The following FRMD5 variants were observed in gnomAD, a reference collection of about 807,000 sequenced individuals.
FRMD5 encodes FERM domain-containing protein 5.
Under a neutral mutation model 69.0 loss-of-function variants are expected in FRMD5, and 20 were observed. The observed-to-expected ratio is 0.29, with a 90% CI of 0.20 to 0.42. FRMD5 has a LOEUF of 0.42. Ranked by LOEUF, FRMD5 falls within the 10% of genes least tolerant of loss-of-function variation. FRMD5 has a pLI of 1.00. For missense variants in FRMD5, 595 were observed against 708.6 expected, an observed-to-expected ratio of 0.84 and a Z score of 1.82; for synonymous variants, 271 against 260.1, an observed-to-expected ratio of 1.04 and a Z score of -0.40.
intron 1 of FRMD5, among the ~76,000 whole-genome samples, chr15:44,007,382 C>T (rs1199042911): frequency 6.6e-6 from 1 of 151,952 alleles, no homozygotes; most frequent in Non-Finnish European, 1.5e-5. Flanking sequence ...CCAAGGTATG[C>T]CTACATATAT....
rs1555392746 is a variant in FRMD5 at position 43,999,967 on chromosome 15, T to TATATATGCCATGC, written c.103-75659_103-75658insGCATGGCATATAT. ...TATATGCCATGCATATATATATATA[T>TATATATGCCATGC]ATATATATATATATATATATATGTG... is the stretch of plus-strand genomic sequence containing the variant. On this transcript the variant is annotated intron_variant, in intron 1 of 13. Transcript: ENST00000417257. Among the ~76,000 whole-genome samples, 168 of 42,018 alleles carry TATATATGCCATGC rather than the reference T, an allele frequency of 4.0e-3. 29 individuals are homozygous for TATATATGCCATGC. The highest frequency in any genetic ancestry group is 6.8e-3 in the Non-Finnish European group (125 of 18,502). The allele number at this position is 42,018 out of a possible 152,430, so 27.6% of individuals were successfully genotyped here. A position where few individuals can be genotyped will look rare whatever the true frequency, so the allele number is the denominator to read the frequency against.
At chr15:43,876,871 G>C (rs1439107340) in intron 13 of FRMD5, among the ~76,000 whole-genome samples, 1 of 152,166 alleles carries the variant, frequency 6.6e-6, no homozygotes, top group African/African-American at 2.4e-5. Flanking sequence ...AGAAGATCTT[G>C]TTGCGGGGGT....
chr15:43,884,628 T>A (rs1160244446), intron 12 of FRMD5, 99 bp downstream of exon 12: 6 of 1,022,882 alleles, frequency 5.9e-6, no homozygotes, highest in Non-Finnish European at 8.8e-6. Flanking sequence ...GACTTTTTGG[T>A]AGCCACTGGA....
chr15:43,905,684 A>C (rs1362800612), intron 6 of FRMD5, 144 bp downstream of exon 6: 1 of 999,172 alleles, frequency 1.0e-6, no homozygotes, highest in Non-Finnish European at 1.5e-6. Context: ...ATCACTGACA[A>C]TGGTACATCC....
intron 1 of FRMD5, among the ~76,000 whole-genome samples, chr15:44,014,593 C>T (rs375834723): frequency 3.3e-5 from 5 of 152,004 alleles, no homozygotes; most frequent in East Asian, 3.9e-4. Flanking sequence ...AAAAATTAGC[C>T]GGGTGTGGTG....
chr15:44,132,813 A>G (rs1440741499), intron 1 of FRMD5, among the ~76,000 whole-genome samples: 1 of 151,710 alleles, frequency 6.6e-6, no homozygotes, highest in Non-Finnish European at 1.5e-5. Context: ...GCTGGAGTAC[A>G]GTGACACAAT....
Position 44,194,935 on chromosome 15 carries a change from G to A in FRMD5, c.102+18C>T. ...ACAAGGGGGTCCCGCGGGCGGGGCG[G>A]GGCGGCGCGGCGCTGACCTGGATGG... is the stretch of plus-strand genomic sequence containing the variant. On this transcript the variant is annotated intron_variant, in intron 1 of 13. Coordinates refer to ENST00000417257, the MANE Select transcript of FRMD5 (RefSeq NM_032892.5). The A allele has an allele frequency of 6.6e-7, 1 of 1,512,908 alleles. No homozygotes were observed. Among genetic ancestry groups the A allele is most frequent in the Admixed American group, 2.1e-5 (1 of 48,290 alleles). 93.7% of individuals were successfully genotyped at this position (1,512,908 alleles called of 1,614,324 possible).
chr15:44,005,471 C>CAAAAAAA (rs55839205), intron 1 of FRMD5, among the ~76,000 whole-genome samples: 143 of 69,338 alleles, frequency 2.1e-3, no homozygotes, highest in Middle Eastern at 9.4e-3. Context: ...AACTCCATCT[C>CAAAAAAA]AAAAAAAAAA....
intron 1 of FRMD5, among the ~76,000 whole-genome samples, chr15:44,033,165 T>C (rs1433131098): frequency 2.0e-5 from 3 of 152,126 alleles, no homozygotes; most frequent in Non-Finnish European, 4.4e-5. Context: ...TGATAAAATA[T>C]AATTTTGCTA....
At chr15:44,130,712 G>C (rs553236827) in intron 1 of FRMD5, among the ~76,000 whole-genome samples, 1 of 152,118 alleles carries the variant, frequency 6.6e-6, no homozygotes, top group African/African-American at 2.4e-5. Flanking sequence ...ATGGAAAAAA[G>C]TAAGAGGGAG....
intron 7 of FRMD5, among the ~76,000 whole-genome samples, chr15:43,893,192 G>T (rs1001213267): frequency 6.6e-6 from 1 of 152,038 alleles, no homozygotes. Flanking sequence ...ATTAAAGAGT[G>T]GGGGAGTTGT....
At chr15:43,921,761 G>A (rs951867863) in intron 2 of FRMD5, among the ~76,000 whole-genome samples, 13 of 152,170 alleles carry the variant, frequency 8.5e-5, no homozygotes, top group African/African-American at 3.1e-4. Flanking sequence ...AGACTCTAGG[G>A]GCTTGAAAGG....
intron 1 of FRMD5, among the ~76,000 whole-genome samples, chr15:43,985,908 C>G (rs923866676): frequency 6.6e-6 from 1 of 152,152 alleles, no homozygotes; most frequent in Non-Finnish European, 1.5e-5. Flanking sequence ...AGAAAAAGAT[C>G]TGAATGTCAG....
chr15:43,919,681 T>C (rs1287053481), intron 3 of FRMD5, 86 bp downstream of exon 3: 2 of 1,465,312 alleles, frequency 1.4e-6, no homozygotes, highest in Admixed American at 1.7e-5. Flanking sequence ...AAATTATATA[T>C]GTAGATCAAA....
chr15:43,929,635 G>A (rs1046418044), intron 1 of FRMD5, among the ~76,000 whole-genome samples: 6 of 152,118 alleles, frequency 3.9e-5, no homozygotes, highest in African/African-American at 1.2e-4. Flanking sequence ...GTGGGCACCC[G>A]TAGCCCAAAG....
intron 1 of FRMD5, among the ~76,000 whole-genome samples, chr15:43,986,149 A>C (rs1889383586): frequency 6.6e-6 from 1 of 152,230 alleles, no homozygotes; most frequent in Non-Finnish European, 1.5e-5. Context: ...GTGTATCACG[A>C]TCAGTGACAA....
chr15:43,899,004 G>T (rs972610143), intron 7 of FRMD5, among the ~76,000 whole-genome samples: 3 of 152,196 alleles, frequency 2.0e-5, no homozygotes, highest in African/African-American at 7.2e-5. Context: ...GCCTAAGCTA[G>T]AGCGTTGTTC....
Position 43,873,176 on chromosome 15 carries a change from C to T in FRMD5, c.*709G>A. On this transcript the variant is annotated 3_prime_UTR_variant, in exon 14 of 14. Transcript: ENST00000417257. The stretch of plus-strand genomic sequence containing the variant: ...GACTAAGGGGACAGACTTACCCCAC[C>T]CCTGATGCTGCTGTTGCTGTAGCGG... 1 of 1,550,488 alleles carries T rather than the reference C, an allele frequency of 6.4e-7. No homozygotes were observed. Among genetic ancestry groups the T allele is most frequent in the Non-Finnish European group, 8.7e-7 (1 of 1,146,936 alleles).
chr15:43,979,858 T>C (rs2090521423), intron 1 of FRMD5, among the ~76,000 whole-genome samples: 1 of 152,206 alleles, frequency 6.6e-6, no homozygotes, highest in Admixed American at 6.5e-5. Flanking sequence ...GAATGTTTCT[T>C]ACTTAAAAAA....
Sources: gnomAD v4.1 joint callset for allele counts (sites outside exome capture counted in the v4.1 genomes callset) on GRCh38, gnomAD v4.1.1 for gene constraint, MANE v1.5 for transcripts, NCBI Gene and HGNC (gene_info 2026-07-23, HGNC 2026-07-21) for gene names.